The following FER1L5 variants were observed in gnomAD, a reference collection of about 807,000 sequenced individuals.
FER1L5 encodes the protein fer-1-like protein 5.
Under a neutral mutation model 279.9 loss-of-function variants are expected in FER1L5, and 187 were observed. The observed-to-expected ratio is 0.67, with a 90% confidence interval of 0.59 to 0.75. The LOEUF (loss-of-function observed/expected upper bound fraction) is 0.75. Among genes scored for constraint, FER1L5 ranks in the 30% least tolerant of loss-of-function variants. FER1L5 has a pLI of 0.00. For missense variants in FER1L5, 2,091 were observed against 2,594.4 expected, an observed-to-expected ratio of 0.81 and a Z score of 4.21; for synonymous variants, 921 against 989.7, an observed-to-expected ratio of 0.93 and a Z score of 1.30.
chr2:96,653,849 C>T (rs1291066584), intron 8 of FER1L5, 147 bp downstream of exon 8: 2 of 626,346 alleles, frequency 3.2e-6, no homozygotes, highest in Non-Finnish European at 5.6e-6. Context: ...CCCCCTGGCA[C>T]CCAGATTATT....
intron 19 of FER1L5, among the ~76,000 whole-genome samples, chr2:96,682,956 C>A (rs1392926622): frequency 1.3e-5 from 2 of 152,182 alleles, no homozygotes; most frequent in African/African-American, 2.4e-5. Context: ...ACTCTTCAGG[C>A]TACACAGATA....
chr2:96,670,604 G>A (rs1417842127), intron 18 of FER1L5, among the ~76,000 whole-genome samples: 2 of 150,478 alleles, frequency 1.3e-5, no homozygotes, highest in Non-Finnish European at 3.0e-5. Context: ...ATGGTGAAAC[G>A]CTGTCTCTAC....
Position 96,662,110 on chromosome 2 carries a change from C to T in FER1L5, c.1019-105C>T. ...GGAGACAGGTCTGCCCAGGGGGCAC[C>T]CCTCTAAATTATAGGGGAGGGTTTT... On this transcript the variant is annotated intron_variant, in intron 12 of 52. Coordinates refer to ENST00000624922, the MANE Select transcript of FER1L5 (RefSeq NM_001293083.2). 3 of 1,161,264 alleles carry T rather than the reference C, an allele frequency of 2.6e-6. No individual in the cohort carries two copies. In the South Asian group the frequency reaches 4.0e-5, roughly 16 times the overall value. 71.9% of individuals were successfully genotyped at this position (1,161,264 alleles called of 1,614,324 possible). A position where few individuals can be genotyped will look rare whatever the true frequency, so the allele number is the denominator to read the frequency against.
Position 96,643,713 on chromosome 2 carries a change from G to A in FER1L5, c.85+792G>A, listed in dbSNP as rs185018688. On this transcript the variant is annotated intron_variant, in intron 1 of 52. Coordinates refer to ENST00000624922, the MANE Select transcript of FER1L5 (RefSeq NM_001293083.2). ...CACAGCAATTCCAGAGGTAAATGAAGCAAGTTTTATTATCTCCATTTTTTT... is the reference window on the plus strand; with the variant it reads ...CACAGCAATTCCAGAGGTAAATGAAACAAGTTTTATTATCTCCATTTTTTT... Among the ~76,000 whole-genome samples, 491 of 151,144 alleles carry A rather than the reference G, an allele frequency of 3.2e-3. 1 individual carries two copies. Among genetic ancestry groups the A allele is most frequent in the Non-Finnish European group, 5.0e-3 (340 of 67,818 alleles).
intron 3 of FER1L5, 96 bp from the exon 4 acceptor site, chr2:96,647,682 G>A (rs2075195020): frequency 2.3e-6 from 2 of 875,680 alleles, no homozygotes; most frequent in Non-Finnish European, 3.7e-6. Flanking sequence ...GCACAGCCCT[G>A]GGAGGAAACC....
In FER1L5 at chr2:96,689,553, T is replaced by C; in HGVS notation, c.2526-91T>C. The C allele has an allele frequency of 2.8e-6, 4 of 1,428,746 alleles. No homozygotes were observed. Among genetic ancestry groups the C allele is most frequent in the Non-Finnish European group, 3.9e-6 (4 of 1,037,920 alleles). The allele number at this position is 1,428,746 out of a possible 1,614,324, so 88.5% of individuals were successfully genotyped here. A position where few individuals can be genotyped will look rare whatever the true frequency, so the allele number is the denominator to read the frequency against. On this transcript the variant is annotated intron_variant, in intron 25 of 52. Coordinates refer to ENST00000624922, the MANE Select transcript of FER1L5 (RefSeq NM_001293083.2). The surrounding 1 kb of genome is among the most constrained non-coding windows in gnomAD (Gnocchi z 4.6). Reference sequence around the variant, plus strand: ...CTGCCCAGAGCAGGTGGGGATGGGATGCCAGGTATGGGAACGCTTGGCCAG... The same window carrying C: ...CTGCCCAGAGCAGGTGGGGATGGGACGCCAGGTATGGGAACGCTTGGCCAG...
In FER1L5 at chr2:96,702,222, C is replaced by A; in HGVS notation, c.5160-84C>A. 6.4e-7 allele frequency: 1 copy of A among 1,570,234 alleles called. No individual in the cohort carries two copies. Among genetic ancestry groups the A allele is most frequent in the South Asian group, 1.2e-5 (1 of 86,358 alleles). On this transcript the variant is annotated intron_variant, in intron 46 of 52. Transcript: ENST00000624922. This position sits in a 1 kb window ranked among gnomAD's most constrained non-coding sequence, Gnocchi z 4.0. Reference sequence around the variant, plus strand: ...CCACACTGAGCAAAAACACACAGGGCAGCCTCCCAGGCTTCTCTGCCCTCA... The same window carrying A: ...CCACACTGAGCAAAAACACACAGGGAAGCCTCCCAGGCTTCTCTGCCCTCA...
chr2:96,703,856 C>A (rs1056592278), intron 51 of FER1L5, among the ~76,000 whole-genome samples: 1 of 145,560 alleles, frequency 6.9e-6, no homozygotes, highest in Non-Finnish European at 1.5e-5. Flanking sequence ...CACTCTGTCA[C>A]CCAGGCTGGA....
Position 96,680,944 on chromosome 2 carries a change from A to G in FER1L5, c.1670-3383A>G, listed in dbSNP as rs534657640. 2.0e-5 allele frequency among the ~76,000 whole-genome samples: 3 copies of G among 152,350 alleles called. No individual in the cohort carries two copies. The South Asian group carries it at 6.2e-4, about 32-fold the overall frequency. On this transcript the variant is annotated intron_variant, in intron 19 of 52. Coordinates refer to ENST00000624922, the MANE Select transcript of FER1L5 (RefSeq NM_001293083.2). ...CACTCCTCACCTCCATGGCATGACC[A>G]TAGTTCACTGCAGCCTTGAACTCCT...
chr2:96,673,276 T>G, intron 19 of FER1L5, 22 bp downstream of exon 19: 1 of 1,542,130 alleles, frequency 6.5e-7, no homozygotes. Context: ...ATTCAGGCAA[T>G]AAGTAGAGAG....
chr2:96,696,761 T>C (rs1291449862), intron 37 of FER1L5, among the ~76,000 whole-genome samples: 2 of 152,086 alleles, frequency 1.3e-5, no homozygotes, highest in Non-Finnish European at 2.9e-5. Context: ...AAAAATTAGC[T>C]GAGCATGCTG....
intron 23 of FER1L5, among the ~76,000 whole-genome samples, chr2:96,687,209 C>T (rs968964103): frequency 2.6e-5 from 4 of 152,206 alleles, no homozygotes; most frequent in Non-Finnish European, 5.9e-5. Context: ...GCCCCTGTTC[C>T]TGCATCCATT....
chr2:96,680,480 A>T (rs2076678625), intron 19 of FER1L5, among the ~76,000 whole-genome samples: 1 of 150,040 alleles, frequency 6.7e-6, no homozygotes, highest in African/African-American at 2.5e-5. Context: ...CATATTTTTC[A>T]TCTTGTCCTC....
intron 13 of FER1L5, 57 bp downstream of exon 13, chr2:96,662,324 G>T: frequency 1.3e-6 from 2 of 1,514,210 alleles, no homozygotes; most frequent in South Asian, 1.2e-5. Flanking sequence ...AAAGTAGTTT[G>T]GAGAGGAGGG....
chr2:96,677,489 G>C (rs543892409), intron 19 of FER1L5, among the ~76,000 whole-genome samples: 13 of 152,220 alleles, frequency 8.5e-5, no homozygotes, highest in African/African-American at 3.1e-4. Flanking sequence ...TTGCCAAATA[G>C]TATTCCATCG....
chr2:96,666,777 A>G (rs1377052048), intron 14 of FER1L5, among the ~76,000 whole-genome samples: 1 of 151,718 alleles, frequency 6.6e-6, no homozygotes, highest in Non-Finnish European at 1.5e-5. Flanking sequence ...CAGCCTCCTG[A>G]GTAGCTGGGA....
intron 4 of FER1L5, among the ~76,000 whole-genome samples, chr2:96,649,207 T>C (rs2075265111): frequency 6.6e-6 from 1 of 152,026 alleles, no homozygotes; most frequent in South Asian, 2.1e-4. Context: ...GGGATGGTAA[T>C]GGGAGCATAT....
rs182799068 is a variant in FER1L5, at chr2:96,647,112, C to T, written c.187C>T (p.Leu63=). Residue 63 remains leucine, a synonymous_variant, in exon 3 of 53, where the codon CTG becomes TTG. Transcript: ENST00000624922. ...WNRPLENDSF[L]QVTLQDMGSQ... ...CCGCCCCCTGGAAAATGACTCCTTCCTGCAAGTCACCCTTCAGGACATGGG... is the reference window on the plus strand; with the variant it reads ...CCGCCCCCTGGAAAATGACTCCTTCTTGCAAGTCACCCTTCAGGACATGGG... The T allele has an allele frequency of 8.4e-6, 13 of 1,551,658 alleles. No individual in the cohort carries two copies. In the East Asian group the frequency reaches 3.2e-4, roughly 38 times the overall value.
At chr2:96,677,904 G>A (rs987904640) in intron 19 of FER1L5, among the ~76,000 whole-genome samples, 1 of 151,544 alleles carries the variant, frequency 6.6e-6, no homozygotes, top group Non-Finnish European at 1.5e-5. Context: ...GTGAACATTC[G>A]TATACAAGTC....
Sources: gnomAD v4.1 joint callset for allele counts (sites outside exome capture counted in the v4.1 genomes callset) on GRCh38, gnomAD v4.1.1 for gene constraint, Gnocchi (gnomAD v3.1) non-coding constraint, MANE v1.5 for transcripts, NCBI Gene and HGNC (gene_info 2026-07-23, HGNC 2026-07-21) for gene names.